The following IL1RAPL1 variants were observed in gnomAD, a reference collection of about 807,000 sequenced individuals.
IL1RAPL1 encodes interleukin 1 receptor accessory protein like 1.
In IL1RAPL1, 3 loss-of-function variants were observed where a neutral mutation model predicts 48.4. That is an observed-to-expected ratio of 0.06 (90% CI 0.03 to 0.16). The LOEUF is 0.16. Among genes scored for constraint, IL1RAPL1 ranks in the 10% least tolerant of loss-of-function variants. The pLI is 1.00. For synonymous variants in IL1RAPL1, 185 were observed against 187.7 expected, an observed-to-expected ratio of 0.99 and a Z score of 0.12; for missense variants, 349 against 530.6, an observed-to-expected ratio of 0.66 and a Z score of 3.36.
intron 1 of IL1RAPL1, among the ~76,000 whole-genome samples, chrX:28,609,641 A>ACACACG (rs1281091756): frequency 9.4e-6 from 1 of 106,352 alleles, no homozygotes; most frequent in African/African-American, 3.4e-5. Flanking sequence ...ACACACACAC[A>ACACACG]CACACACACA....
intron 1 of IL1RAPL1, among the ~76,000 whole-genome samples, chrX:28,769,528 A>ATATCAC (rs1936288213): frequency 1.8e-5 from 2 of 111,883 alleles, no homozygotes; most frequent in South Asian, 7.4e-4. Context: ...TGTATATTGG[A>ATATCAC]TATCACTATC....
intron 5 of IL1RAPL1, among the ~76,000 whole-genome samples, chrX:29,458,722 TTTG>T (rs1934768691): frequency 1.5e-5 from 1 of 68,047 alleles, no homozygotes; most frequent in Non-Finnish European, 2.8e-5. Context: ...AGAGAACGTT[TTTG>T]TTTTTTTTTT....
intron 2 of IL1RAPL1, among the ~76,000 whole-genome samples, chrX:28,812,903 A>G (rs777653470): frequency 1.5e-4 from 17 of 110,051 alleles, no homozygotes; most frequent in Non-Finnish European, 5.7e-5. Context: ...GACATCACCC[A>G]GGGCCCTCTG....
At chrX:28,629,056 T>C (rs1174133426) in intron 1 of IL1RAPL1, among the ~76,000 whole-genome samples, 5 of 111,447 alleles carry the variant, frequency 4.5e-5, no homozygotes, top group Non-Finnish European at 9.4e-5. Context: ...TTTTGCAAAA[T>C]CAAAATGTTT....
chrX:29,927,343 C>T (rs1368210628), intron 8 of IL1RAPL1, among the ~76,000 whole-genome samples: 1 of 112,079 alleles, frequency 8.9e-6, no homozygotes, highest in Non-Finnish European at 1.9e-5. Context: ...GGAACCAAAG[C>T]TGAGTAGAGC....
intron 5 of IL1RAPL1, among the ~76,000 whole-genome samples, chrX:29,404,092 A>G (rs1934026097): frequency 8.9e-6 from 1 of 112,009 alleles, no homozygotes; most frequent in Non-Finnish European, 1.9e-5. Flanking sequence ...GCATACATTA[A>G]GGTTTTCTCT....
chrX:29,356,448 T>C (rs1453574990), intron 3 of IL1RAPL1, among the ~76,000 whole-genome samples: 1 of 113,002 alleles, frequency 8.8e-6, no homozygotes, highest in African/African-American at 3.2e-5. Context: ...CTAAGCACTA[T>C]GTTTTAAAGA....
chrX:29,888,131 AT>A (rs34603125), intron 6 of IL1RAPL1, among the ~76,000 whole-genome samples: 8 of 107,563 alleles, frequency 7.4e-5, no homozygotes, highest in Middle Eastern at 4.8e-3. Flanking sequence ...AGAAGTTAGG[AT>A]TTTTTTTTTA....
intron 2 of IL1RAPL1, among the ~76,000 whole-genome samples, chrX:28,936,865 C>T (rs1246100879): frequency 9.0e-6 from 1 of 111,242 alleles, no homozygotes; most frequent in Non-Finnish European, 1.9e-5. Flanking sequence ...GCCATAGTGT[C>T]TCTCTCTAAT....
At chrX:29,690,311 C>T (rs1042685547) in intron 6 of IL1RAPL1, among the ~76,000 whole-genome samples, 2 of 111,839 alleles carry the variant, frequency 1.8e-5, no homozygotes, top group Non-Finnish European at 3.8e-5. Flanking sequence ...GTGAGGTATT[C>T]GGGCTGGACT....
intron 1 of IL1RAPL1, among the ~76,000 whole-genome samples, chrX:28,785,999 T>C (rs1051227985): frequency 2.7e-5 from 3 of 111,654 alleles, no homozygotes; most frequent in Non-Finnish European, 3.8e-5. Flanking sequence ...CAGCTAGTAT[T>C]CATTGAGCAT....
chrX:28,834,665 T>C (rs1165251450), intron 2 of IL1RAPL1, among the ~76,000 whole-genome samples: 1 of 111,742 alleles, frequency 8.9e-6, no homozygotes, highest in Admixed American at 9.6e-5. Flanking sequence ...GGCTCTTGCA[T>C]AAGTACTGTA....
chrX:29,299,366 C>A (rs935198841), intron 3 of IL1RAPL1, among the ~76,000 whole-genome samples: 4 of 111,777 alleles, frequency 3.6e-5, no homozygotes, highest in African/African-American at 1.3e-4. Flanking sequence ...CATGGAAAGC[C>A]TATTTCATTA....
intron 1 of IL1RAPL1, among the ~76,000 whole-genome samples, chrX:28,596,770 A>G (rs1320533844): frequency 9.0e-6 from 1 of 111,731 alleles, no homozygotes; most frequent in Non-Finnish European, 1.9e-5. Flanking sequence ...ATTATTTTTA[A>G]TTATTTTGTT....
At chrX:29,762,931 A>G (rs1299280340) in intron 6 of IL1RAPL1, among the ~76,000 whole-genome samples, 1 of 111,365 alleles carries the variant, frequency 9.0e-6, no homozygotes, top group Non-Finnish European at 1.9e-5. Flanking sequence ...ACACCTACTT[A>G]TCCTGATGTT....
At chrX:29,668,945 A>G (rs192679139) in intron 6 of IL1RAPL1, among the ~76,000 whole-genome samples, 66 of 112,078 alleles carry the variant, frequency 5.9e-4, no homozygotes, top group African/African-American at 1.9e-3. Flanking sequence ...AGTGTAATCA[A>G]ATATAATATA....
rs996617562 is a variant in IL1RAPL1, at chrX:29,342,384, A to G, written c.363-53874A>G. On this transcript the variant is annotated intron_variant, in intron 3 of 10. Coordinates refer to ENST00000378993, the MANE Select transcript of IL1RAPL1 (RefSeq NM_014271.4). ...GATCTTAGGTTTTAGTGAAGGAAAG[A>G]CAGTAAACAGATAACAAGTAAATAC... Among the ~76,000 whole-genome samples the G allele has an allele frequency of 2.5e-4, 28 of 111,894 alleles. No individual in the cohort carries two copies. In the Admixed American group the frequency reaches 2.6e-3, roughly 10 times the overall value.
At chrX:29,452,059 G>A (rs1461704377) in intron 5 of IL1RAPL1, among the ~76,000 whole-genome samples, 1 of 111,600 alleles carries the variant, frequency 9.0e-6, no homozygotes, top group Non-Finnish European at 1.9e-5. Context: ...GAAACGTCAA[G>A]TAAGTAAATA....
chrX:29,008,895 C>T (rs1367264478), intron 2 of IL1RAPL1, among the ~76,000 whole-genome samples: 3 of 111,326 alleles, frequency 2.7e-5, no homozygotes, highest in Non-Finnish European at 5.7e-5. Context: ...ATGTTTAGCT[C>T]CCACTTAAAA....
Sources: allele counts gnomAD v4.1 joint callset (sites outside exome capture counted in the v4.1 genomes callset), GRCh38; gene constraint gnomAD v4.1.1; transcripts MANE v1.5; gene names NCBI Gene and HGNC (gene_info 2026-07-23, HGNC 2026-07-21).